Variants in AGO1 observed in about 807,000 individuals in gnomAD.
The protein encoded by AGO1 is argonaute RISC component 1, also known as protein argonaute-1.
AGO1 carries 11 observed loss-of-function variants against 109.2 expected under a neutral mutation model. The observed-to-expected ratio is 0.10, with a 90% CI of 0.06 to 0.17. The LOEUF (loss-of-function observed/expected upper bound fraction) is 0.17, where lower values mean the gene tolerates loss of function less well. Among genes scored for constraint, AGO1 ranks in the 10% least tolerant of loss-of-function variants. The pLI, the probability that AGO1 is intolerant of heterozygous loss-of-function variation, is 1.00. For synonymous variants in AGO1, 422 were observed against 418.6 expected, an observed-to-expected ratio of 1.01 and a Z score of -0.10; for missense variants, 574 against 1,140.3, an observed-to-expected ratio of 0.50 and a Z score of 7.15.
intron 8 of AGO1, among the ~76,000 whole-genome samples, chr1:35,897,869 C>T (rs1027894389): frequency 1.3e-5 from 2 of 152,248 alleles, no homozygotes. Flanking sequence ...GAACATATCA[C>T]TCCTGAAAGA....
intron 1 of AGO1, among the ~76,000 whole-genome samples, chr1:35,884,783 C>T (rs1197060429): frequency 6.6e-6 from 1 of 152,104 alleles, no homozygotes. Flanking sequence ...AACTGGAGTC[C>T]TTAGGATGGG....
intron 8 of AGO1, among the ~76,000 whole-genome samples, chr1:35,899,716 A>T (rs1390752513): frequency 1.3e-5 from 2 of 152,210 alleles, no homozygotes; most frequent in Non-Finnish European, 2.9e-5. Flanking sequence ...TTTCCTTCCC[A>T]TTGTTTACCA....
At position 35,914,553 on chromosome 1, in the gene AGO1, T is replaced by C. The variant is rs544165249; in HGVS notation, c.1833+279T>C. On this transcript the variant is annotated intron_variant, in intron 14 of 18. Transcript: ENST00000373204. ...GTCTTTCTTTCCCCATGCCTGCTTT[T>C]GGGATGTAGGGGAGGGACTATATCT... Among the ~76,000 whole-genome samples the C allele has an allele frequency of 1.3e-4, 20 of 152,352 alleles. No homozygotes were observed. In the East Asian group the frequency reaches 3.3e-3, roughly 25 times the overall value.
At chr1:35,896,429 G>A (rs961202492) in intron 8 of AGO1, among the ~76,000 whole-genome samples, 5 of 150,294 alleles carry the variant, frequency 3.3e-5, no homozygotes, top group African/African-American at 1.2e-4. Context: ...GCACCATCTC[G>A]GCTCACTGTA....
chr1:35,876,988 C>G (rs1644997778), intron 1 of AGO1, among the ~76,000 whole-genome samples: 1 of 152,196 alleles, frequency 6.6e-6, no homozygotes, highest in African/African-American at 2.4e-5. Flanking sequence ...GGATCTTACT[C>G]TATTGCCTGT....
At chr1:35,907,235 A>C in intron 12 of AGO1, 116 bp downstream of exon 12, 1 of 937,690 alleles carries the variant, frequency 1.1e-6, no homozygotes, top group Non-Finnish European at 1.5e-6. Flanking sequence ...GCTGTTACTT[A>C]ATGTCAGTGC....
At chr1:35,876,521 C>T (rs1223330923) in intron 1 of AGO1, among the ~76,000 whole-genome samples, 1 of 152,162 alleles carries the variant, frequency 6.6e-6, no homozygotes, top group Non-Finnish European at 1.5e-5. Flanking sequence ...CCACCTCGGC[C>T]TCCCAAAGTG....
chr1:35,899,517 C>A (rs1346303380), intron 8 of AGO1, among the ~76,000 whole-genome samples: 1 of 152,218 alleles, frequency 6.6e-6, no homozygotes, highest in Admixed American at 6.5e-5. Context: ...TTCACCACAT[C>A]CCTGATTTAG....
intron 12 of AGO1, among the ~76,000 whole-genome samples, chr1:35,908,773 G>GCC (rs1390924282): frequency 6.7e-6 from 1 of 150,190 alleles, no homozygotes; most frequent in Non-Finnish European, 1.5e-5. Flanking sequence ...AAGATAATAT[G>GCC]CCCTGCTCTT....
intron 12 of AGO1, among the ~76,000 whole-genome samples, chr1:35,912,380 AAAAG>A (rs1272167594): frequency 2.0e-5 from 3 of 150,702 alleles, no homozygotes; most frequent in African/African-American, 2.4e-5. Context: ...AAAAAAAAAA[AAAAG>A]CATGCCTTCA....
At position 35,928,675 on chromosome 1, in the gene AGO1, C is replaced by G. The variant is rs937117617; in HGVS notation, c.*9068C>G. On this transcript the variant is annotated 3_prime_UTR_variant, in exon 19 of 19. Coordinates refer to ENST00000373204, the MANE Select transcript of AGO1 (RefSeq NM_012199.5). ...AACACAAGTCCTTTGTTGGATATAT[C>G]TTTTACATCTATTTTTCCCAGTCTG... 1 of 152,198 alleles carries G rather than the reference C, an allele frequency of 6.6e-6. No individual in the cohort carries two copies. The highest frequency in any genetic ancestry group is 2.4e-5 in the African/African-American group (1 of 41,454). The allele number at this position is 152,198 out of a possible 1,614,324, so 9.4% of individuals were successfully genotyped here. A position where few individuals can be genotyped will look rare whatever the true frequency, so the allele number is the denominator to read the frequency against.
rs1477632037 is a variant in AGO1 at position 35,923,559 on chromosome 1, CCTT to C, written c.*3956_*3958del. 9 of 152,662 alleles carry C rather than the reference CCTT, an allele frequency of 5.9e-5. No homozygotes were observed. The highest frequency in any genetic ancestry group is 1.3e-4 in the Non-Finnish European group (9 of 68,046). The allele number at this position is 152,662 out of a possible 1,614,324, so 9.5% of individuals were successfully genotyped here. ...TCCAGGATGGTAGCTGGAATACCTT[CCTT>C]CTTAAAATCTGATCATGGCAGGGAT... On this transcript the variant is annotated 3_prime_UTR_variant, in exon 19 of 19. Transcript: ENST00000373204.
chr1:35,914,083 C>G lies in AGO1; in HGVS notation c.1742+82C>G, dbSNP rs1406724739. On this transcript the variant is annotated intron_variant, in intron 13 of 18. Transcript: ENST00000373204. ...AGAGATAGGACCCTGGCCAGGCAGA[C>G]TGAATCAGACATAAGGGGGAGAAGA... The G allele has an allele frequency of 3.8e-6, 6 of 1,597,436 alleles. No homozygotes were observed. The East Asian group carries it at 6.7e-5, about 18-fold the overall frequency.
intron 11 of AGO1, among the ~76,000 whole-genome samples, chr1:35,905,336 C>G (rs1200695434): frequency 6.6e-6 from 1 of 152,168 alleles, no homozygotes; most frequent in African/African-American, 2.4e-5. Flanking sequence ...TTCTAACATT[C>G]ATTTTGAAAA....
chr1:35,905,228 G>A (rs1331421982), intron 11 of AGO1, among the ~76,000 whole-genome samples: 1 of 152,098 alleles, frequency 6.6e-6, no homozygotes, highest in East Asian at 1.9e-4. Context: ...TAGCTACATT[G>A]CAGTTGTATA....
intron 2 of AGO1, among the ~76,000 whole-genome samples, chr1:35,889,470 G>A (rs773732147): frequency 5.9e-5 from 9 of 151,334 alleles, no homozygotes; most frequent in Non-Finnish European, 1.0e-4. Flanking sequence ...CTTTGGCCTC[G>A]CAAAGTGCTG....
intron 1 of AGO1, among the ~76,000 whole-genome samples, chr1:35,887,088 GA>G (rs1262945618): frequency 6.6e-6 from 1 of 152,150 alleles, no homozygotes; most frequent in African/African-American, 2.4e-5. Context: ...GCTGAGTTCT[GA>G]AGACCTTTTC....
intron 2 of AGO1, among the ~76,000 whole-genome samples, chr1:35,892,121 A>G (rs1174927234): frequency 1.3e-5 from 2 of 152,118 alleles, no homozygotes; most frequent in African/African-American, 2.4e-5. Flanking sequence ...CCTAGGCCCA[A>G]GTGATCCTCC....
In AGO1 at chr1:35,928,795, T is replaced by C. The variant is rs1645979951; in HGVS notation, c.*9188T>C. ...CTTTTTTCTGTTCTAGTTTATACTT[T>C]TGTATCATATTTTAGGAAATTTTGC... On this transcript the variant is annotated 3_prime_UTR_variant, in exon 19 of 19. Coordinates refer to ENST00000373204, the MANE Select transcript of AGO1 (RefSeq NM_012199.5). 6.6e-6 allele frequency: 1 copy of C among 152,256 alleles called. No homozygotes were observed. Among genetic ancestry groups the C allele is most frequent in the Admixed American group, 6.5e-5 (1 of 15,286 alleles). The allele number at this position is 152,256 out of a possible 1,614,324, so 9.4% of individuals were successfully genotyped here. A position where few individuals can be genotyped will look rare whatever the true frequency, so the allele number is the denominator to read the frequency against.
Sources: gnomAD v4.1 joint callset for allele counts (sites outside exome capture counted in the v4.1 genomes callset) on GRCh38, gnomAD v4.1.1 for gene constraint, MANE v1.5 for transcripts, NCBI Gene and HGNC (gene_info 2026-07-23, HGNC 2026-07-21) for gene names.